The following RORA variants were observed in gnomAD, a reference collection of about 807,000 sequenced individuals.
RORA encodes RAR related orphan receptor A.
RORA carries 7 observed loss-of-function variants against 69.5 expected under a neutral mutation model. The observed-to-expected ratio is 0.10, with a 90% CI of 0.06 to 0.19. RORA has a LOEUF of 0.19. Ranked by LOEUF, RORA falls within the 10% of genes least tolerant of loss-of-function variation. The probability of loss-of-function intolerance (pLI) is 1.00; values close to 1 mark genes in which losing one functional copy is unlikely to be tolerated. For synonymous variants in RORA, 261 were observed against 240.8 expected, an observed-to-expected ratio of 1.08 and a Z score of -0.78; for missense variants, 457 against 663.0, an observed-to-expected ratio of 0.69 and a Z score of 3.41.
chr15:61,075,451 T>C (rs1467264182), intron 1 of RORA, among the ~76,000 whole-genome samples: 2 of 152,144 alleles, frequency 1.3e-5, no homozygotes, highest in Admixed American at 1.3e-4. Context: ...ATCAGCTTAA[T>C]TAATCAGTAA....
chr15:60,926,104 C>G (rs17270640), intron 1 of RORA, among the ~76,000 whole-genome samples: 34,566 of 152,124 alleles, frequency 0.23, 4,754 homozygotes, highest in Non-Finnish European at 0.31. Context: ...AAGATTGCAT[C>G]AGGGCCTGGA....
At chr15:60,748,335 A>C in intron 1 of RORA, among the ~76,000 whole-genome samples, 1 of 151,186 alleles carries the variant, frequency 6.6e-6, no homozygotes, top group Non-Finnish European at 1.5e-5. Flanking sequence ...ACACACACAC[A>C]TAAGGAGACA....
At position 61,042,728 on chromosome 15, in the gene RORA, C is replaced by T. The variant is rs112036747; in HGVS notation, c.166+186325G>A. Among the ~76,000 whole-genome samples, 726 of 152,300 alleles carry T rather than the reference C, an allele frequency of 4.8e-3. 3 individuals carry two copies. The highest frequency in any genetic ancestry group is 8.1e-3 in the Non-Finnish European group (553 of 68,030). ...CTTCCTACCTACTCGGGACCTCGTC[C>T]CTCCATAGCCTGCTTCTTTGGGAAT... is the stretch of plus-strand genomic sequence containing the variant. On this transcript the variant is annotated intron_variant, in intron 1 of 10. Coordinates refer to ENST00000335670, the MANE Select transcript of RORA (RefSeq NM_134261.3).
At chr15:60,886,330 G>A (rs929931857) in intron 1 of RORA, among the ~76,000 whole-genome samples, 1 of 152,188 alleles carries the variant, frequency 6.6e-6, no homozygotes, top group African/African-American at 2.4e-5. Flanking sequence ...AAGGTGAGCA[G>A]GTGGGGGCCC....
intron 1 of RORA, among the ~76,000 whole-genome samples, chr15:61,067,239 G>A (rs976593671): frequency 6.6e-6 from 1 of 151,642 alleles, no homozygotes; most frequent in African/African-American, 2.4e-5. Context: ...AGCCTCCTGA[G>A]TAGCTAAGAT....
At chr15:60,516,178 TATATATTTA>T (rs2065930458) in intron 3 of RORA, among the ~76,000 whole-genome samples, 3 of 26,918 alleles carry the variant, frequency 1.1e-4, no homozygotes, top group Non-Finnish European at 1.7e-4. Flanking sequence ...TATATTTATA[TATATATTTA>T]TATATATATT....
At chr15:60,521,530 C>G (rs28683768) in intron 3 of RORA, among the ~76,000 whole-genome samples, 1 of 151,956 alleles carries the variant, frequency 6.6e-6, no homozygotes, top group Non-Finnish European at 1.5e-5. Flanking sequence ...CGTGAGCCAC[C>G]GTACCTGGCC....
intron 1 of RORA, among the ~76,000 whole-genome samples, chr15:60,760,201 A>G (rs2071866320): frequency 6.6e-6 from 1 of 152,158 alleles, no homozygotes; most frequent in South Asian, 2.1e-4. Flanking sequence ...TCTTCTAAGA[A>G]ATGTCAATTG....
At chr15:61,164,093 C>A (rs964513525) in intron 1 of RORA, among the ~76,000 whole-genome samples, 3 of 151,652 alleles carry the variant, frequency 2.0e-5, no homozygotes, top group Non-Finnish European at 2.9e-5. Flanking sequence ...GGTGTCTGTG[C>A]ATCAATGGTA....
At position 60,495,905 on chromosome 15, in the gene RORA, T is replaced by A. The variant is rs2065156022; in HGVS notation, c.*1550A>T. Reference sequence around the variant, plus strand: ...TTAAACAAAAACAACTCAGTATTTCTCACCTGAACACACAAGCCAAATAAT... The same window carrying A: ...TTAAACAAAAACAACTCAGTATTTCACACCTGAACACACAAGCCAAATAAT... On this transcript the variant is annotated 3_prime_UTR_variant, in exon 11 of 11. Coordinates refer to ENST00000335670, the MANE Select transcript of RORA (RefSeq NM_134261.3). 1 of 151,668 alleles carries A rather than the reference T, an allele frequency of 6.6e-6. No individual in the cohort carries two copies. The highest frequency in any genetic ancestry group is 2.1e-4 in the South Asian group (1 of 4,810). The allele number at this position is 151,668 out of a possible 1,614,324, so 9.4% of individuals were successfully genotyped here.
chr15:60,772,242 T>G (rs2072088202), intron 1 of RORA, among the ~76,000 whole-genome samples: 1 of 151,944 alleles, frequency 6.6e-6, no homozygotes, highest in Non-Finnish European at 1.5e-5. Context: ...CGGTGTGTGA[T>G]GTTCCCCGCT....
intron 1 of RORA, among the ~76,000 whole-genome samples, chr15:61,182,421 A>G (rs1451821393): frequency 6.6e-6 from 1 of 152,182 alleles, no homozygotes; most frequent in African/African-American, 2.4e-5. Flanking sequence ...CCTGAGCACC[A>G]TTTCCTCTCT....
At chr15:60,525,341 G>A (rs558774737) in intron 3 of RORA, among the ~76,000 whole-genome samples, 7 of 152,282 alleles carry the variant, frequency 4.6e-5, no homozygotes, top group East Asian at 1.9e-4. Flanking sequence ...GAAGGTGAAC[G>A]GGGGTCTGAT....
chr15:60,815,825 A>G (rs1215540016), intron 1 of RORA, among the ~76,000 whole-genome samples: 2 of 149,714 alleles, frequency 1.3e-5, no homozygotes, highest in African/African-American at 4.9e-5. Context: ...TTCATTGACA[A>G]TAATAGTATA....
intron 1 of RORA, among the ~76,000 whole-genome samples, chr15:60,725,410 A>G (rs2071344139): frequency 6.6e-6 from 1 of 152,196 alleles, no homozygotes; most frequent in African/African-American, 2.4e-5. Flanking sequence ...TCTATCGCCC[A>G]TGGAAAAATT....
At chr15:61,121,920 T>C (rs1596007606) in intron 1 of RORA, among the ~76,000 whole-genome samples, 1 of 151,908 alleles carries the variant, frequency 6.6e-6, no homozygotes, top group African/African-American at 2.4e-5. Flanking sequence ...TGAAAATTAC[T>C]GCAGCATTAA....
chr15:61,030,421 T>C (rs1276980754), intron 1 of RORA, among the ~76,000 whole-genome samples: 2 of 152,160 alleles, frequency 1.3e-5, no homozygotes, highest in Non-Finnish European at 2.9e-5. Flanking sequence ...TCTCAGATGA[T>C]TGAGAAGAAA....
intron 1 of RORA, among the ~76,000 whole-genome samples, chr15:60,789,859 T>C (rs1009951860): frequency 9.2e-5 from 14 of 152,158 alleles, no homozygotes; most frequent in Middle Eastern, 3.2e-3. Context: ...TCAATAAATA[T>C]AGGCAGCATG....
chr15:61,012,302 TG>T (rs1895111019), intron 1 of RORA, among the ~76,000 whole-genome samples: 1 of 152,256 alleles, frequency 6.6e-6, no homozygotes, highest in Admixed American at 6.5e-5. Context: ...TTTCCCAATT[TG>T]TTCCTATAGG....
Sources: allele counts gnomAD v4.1 joint callset (sites outside exome capture counted in the v4.1 genomes callset), GRCh38; gene constraint gnomAD v4.1.1; transcripts MANE v1.5; gene names NCBI Gene and HGNC (gene_info 2026-07-23, HGNC 2026-07-21).